The following FAM177A1 variants were observed in gnomAD, a reference collection of about 807,000 sequenced individuals.
FAM177A1 encodes the protein family with sequence similarity 177 member A1.
A neutral mutation model predicts 26.1 loss-of-function variants in FAM177A1; 22 were observed. The observed-to-expected ratio is 0.84, with a 90% confidence interval of 0.60 to 1.20. The LOEUF (loss-of-function observed/expected upper bound fraction) is 1.20, where lower values mean the gene tolerates loss of function less well. FAM177A1 is among the 50% of genes most tolerant of loss of function. The pLI is 0.00. For missense variants in FAM177A1, 296 were observed against 291.1 expected (o/e 1.02, Z -0.12); for synonymous variants, 95 against 99.3 (o/e 0.96, Z 0.26).
chr14:35,081,373 T>A lies in FAM177A1; in HGVS notation c.*145T>A. ...TGGAAAGGGAAAATGTTTTCTTCAT[T>A]TTTAGGATCTATCTAGCAAAAGCCA... On this transcript the variant is annotated 3_prime_UTR_variant, in exon 5 of 5. Transcript: ENST00000280987. The A allele has an allele frequency of 4.7e-6, 4 of 851,914 alleles. No individual in the cohort carries two copies. The South Asian group carries it at 1.0e-4, about 21-fold the overall frequency. The allele number at this position is 851,914 out of a possible 1,614,324, so 52.8% of individuals were successfully genotyped here.
At chr14:35,077,468 C>CTTTTTTTTTTT (rs150813883) in intron 3 of FAM177A1, among the ~76,000 whole-genome samples, 2 of 79,528 alleles carry the variant, frequency 2.5e-5, no homozygotes, top group Non-Finnish European at 4.6e-5. Context: ...TTTTCAAGTT[C>CTTTTTTTTTTT]TTTTTTTTTT....
intron 2 of FAM177A1, among the ~76,000 whole-genome samples, chr14:35,062,097 T>G (rs912279899): frequency 2.0e-5 from 3 of 152,212 alleles, no homozygotes; most frequent in African/African-American, 4.8e-5. Context: ...GTTTCTGCCT[T>G]CCTTTGCTGG....
At chr14:35,045,610 AAAC>A (rs778025010), upstream of FAM177A1, among the ~76,000 whole-genome samples, 3 of 152,312 alleles carry the variant, frequency 2.0e-5, no homozygotes, top group Non-Finnish European at 2.9e-5. Context: ...TTTCATGCTA[AAAC>A]AACAATATAC....
intron 2 of FAM177A1, among the ~76,000 whole-genome samples, chr14:35,076,936 G>A (rs1436899175): frequency 6.6e-6 from 1 of 152,136 alleles, no homozygotes; most frequent in Non-Finnish European, 1.5e-5. Context: ...TCTTCTATGG[G>A]CTTAAGGTGG....
chr14:35,081,253 A>C lies in FAM177A1; in HGVS notation c.*25A>C, dbSNP rs1344375589. The C allele has an allele frequency of 1.9e-6, 3 of 1,568,266 alleles. No homozygotes were observed. The highest frequency in any genetic ancestry group is 4.1e-5 in the Admixed American group (2 of 48,746). On this transcript the variant is annotated 3_prime_UTR_variant, in exon 5 of 5. Transcript: ENST00000280987. ...AAATGAAATGACTATCAAGCTTCAA[A>C]CTCTTAAGTTTTTTTTTTTTAATAC... is the stretch of plus-strand genomic sequence containing the variant.
At chr14:35,055,301 C>CT (rs1160758542) in intron 2 of FAM177A1, among the ~76,000 whole-genome samples, 3 of 140,826 alleles carry the variant, frequency 2.1e-5, no homozygotes, top group African/African-American at 7.9e-5. Flanking sequence ...GAAACTCCAT[C>CT]TAAAAAAAAA....
intron 2 of FAM177A1, among the ~76,000 whole-genome samples, chr14:35,071,076 A>G (rs2045314069): frequency 6.6e-6 from 1 of 151,448 alleles, no homozygotes; most frequent in Non-Finnish European, 1.5e-5. Flanking sequence ...AGCTCACTGC[A>G]AGCTCCGCCT....
intron 1 of FAM177A1, among the ~76,000 whole-genome samples, chr14:35,048,276 G>T (rs1264941138): frequency 6.6e-6 from 1 of 151,872 alleles, no homozygotes; most frequent in South Asian, 2.1e-4. Flanking sequence ...CACTACCTCC[G>T]CCCTGGATCT....
chr14:35,064,248 G>A (rs976869874), intron 2 of FAM177A1, among the ~76,000 whole-genome samples: 3 of 148,962 alleles, frequency 2.0e-5, no homozygotes, highest in African/African-American at 7.4e-5. Flanking sequence ...TTAGCTGGGC[G>A]TGGTAGCATG....
chr14:35,081,317 A>C lies in FAM177A1; in HGVS notation c.*89A>C, dbSNP rs1194943890. 1 of 1,168,328 alleles carries C rather than the reference A, an allele frequency of 8.6e-7. No homozygotes were observed. The highest frequency in any genetic ancestry group is 1.6e-5 in the African/African-American group (1 of 63,780). 72.4% of individuals were successfully genotyped at this position (1,168,328 alleles called of 1,614,324 possible). A position where few individuals can be genotyped will look rare whatever the true frequency, so the allele number is the denominator to read the frequency against. On this transcript the variant is annotated 3_prime_UTR_variant, in exon 5 of 5. Transcript: ENST00000280987. ...TTCTTTATTCAGTGGGACTTAATAC[A>C]ATTATTTATATTTTAAATTATTAAA... is the stretch of plus-strand genomic sequence containing the variant.
chr14:35,059,838 C>T (rs1336054523), intron 2 of FAM177A1, among the ~76,000 whole-genome samples: 3 of 152,168 alleles, frequency 2.0e-5, no homozygotes, highest in Non-Finnish European at 2.9e-5. Flanking sequence ...TGAGCCACCA[C>T]ACTCCACCAA....
intron 2 of FAM177A1, among the ~76,000 whole-genome samples, chr14:35,076,333 A>G (rs186604389): frequency 1.3e-5 from 2 of 152,150 alleles, no homozygotes; most frequent in East Asian, 3.9e-4. Context: ...TGAGGAAACT[A>G]TTGCAAGGAC....
At chr14:35,061,518 TC>T (rs1489753649) in intron 2 of FAM177A1, among the ~76,000 whole-genome samples, 54 of 136,932 alleles carry the variant, frequency 3.9e-4, no homozygotes, top group Non-Finnish European at 8.5e-4. Context: ...TTTTCTCATT[TC>T]TTTTTTTTTT....
rs535346628 is a variant in FAM177A1 at position 35,052,377 on chromosome 14, G to C, written c.166-901G>C. ...GTTGGGACTACAGGCACCCGCTGCT[G>C]CGCCCAGCTAATTTTTTATATTTTT... On this transcript the variant is annotated intron_variant, in intron 1 of 4. Transcript: ENST00000280987. 3.8e-4 allele frequency among the ~76,000 whole-genome samples: 58 copies of C among 151,890 alleles called. No individual in the cohort carries two copies. The South Asian group carries it at 0.012, about 32-fold the overall frequency.
chr14:35,077,072 A>C, intron 2 of FAM177A1, 78 bp from the exon 3 acceptor site: 1 of 1,120,674 alleles, frequency 8.9e-7, no homozygotes, highest in Admixed American at 1.7e-5. Context: ...CCTACCAAGT[A>C]TTTGACTACT....
At chr14:35,046,697 C>G (rs1369954931) in intron 1 of FAM177A1, 69 bp downstream of exon 1, 1 of 1,469,540 alleles carries the variant, frequency 6.8e-7, no homozygotes, top group African/African-American at 1.4e-5. Context: ...GCGGGCCGCT[C>G]TTTTAGCCTG....
At chr14:35,052,559 AAAG>A (rs1388194850) in intron 1 of FAM177A1, among the ~76,000 whole-genome samples, 1 of 152,086 alleles carries the variant, frequency 6.6e-6, no homozygotes, top group Non-Finnish European at 1.5e-5. Flanking sequence ...AGGACAATGA[AAAG>A]AAGCTCTTCA....
chr14:35,047,832 A>AT (rs753127281), intron 1 of FAM177A1, among the ~76,000 whole-genome samples: 1 of 152,168 alleles, frequency 6.6e-6, no homozygotes, highest in Non-Finnish European at 1.5e-5. Flanking sequence ...CCCATCCTCC[A>AT]TGAGAATGAA....
At chr14:35,055,284 C>T (rs2045042463) in intron 2 of FAM177A1, among the ~76,000 whole-genome samples, 1 of 145,640 alleles carries the variant, frequency 6.9e-6, no homozygotes, top group African/African-American at 2.5e-5. Flanking sequence ...GCCTGGTCAA[C>T]AAGGGTGAAA....
Sources: allele counts gnomAD v4.1 joint callset (sites outside exome capture counted in the v4.1 genomes callset), GRCh38; gene constraint gnomAD v4.1.1; transcripts MANE v1.5; gene names NCBI Gene and HGNC (gene_info 2026-07-23, HGNC 2026-07-21).